The following SGCD variants were observed in gnomAD, a reference collection of about 807,000 sequenced individuals.
The protein encoded by SGCD is delta-sarcoglycan.
SGCD carries 18 observed loss-of-function variants against 36.6 expected under a neutral mutation model. The observed-to-expected ratio is 0.49, with a 90% CI of 0.34 to 0.73. SGCD has a LOEUF of 0.73. Ranked by LOEUF, SGCD falls within the 30% of genes least tolerant of loss-of-function variation. The pLI is 0.01. For missense variants in SGCD, 387 were observed against 346.7 expected (o/e 1.12, Z -0.92); for synonymous variants, 133 against 130.6 (o/e 1.02, Z -0.12).
chr5:156,020,440 T>C (rs142844803), intron 1 of SGCD, among the ~76,000 whole-genome samples: 112 of 152,330 alleles, frequency 7.4e-4, no homozygotes, highest in Middle Eastern at 3.4e-3. Flanking sequence ...AACAGCCACA[T>C]TTTATCACAT....
At chr5:156,190,565 C>A (rs1049780712) in intron 3 of SGCD, among the ~76,000 whole-genome samples, 2 of 152,048 alleles carry the variant, frequency 1.3e-5, no homozygotes, top group Non-Finnish European at 2.9e-5. Flanking sequence ...CTGCTGTGTA[C>A]CTGGCATAAT....
chr5:156,631,240 G>A (rs1762618964), intron 6 of SGCD, among the ~76,000 whole-genome samples: 1 of 152,138 alleles, frequency 6.6e-6, no homozygotes, highest in South Asian at 2.1e-4. Flanking sequence ...CTTAAAAAGA[G>A]ATGCTAATGT....
At chr5:156,509,082 T>G (rs552171114) in intron 4 of SGCD, among the ~76,000 whole-genome samples, 1 of 152,314 alleles carries the variant, frequency 6.6e-6, no homozygotes, top group South Asian at 2.1e-4. Context: ...GAACTAGAAT[T>G]TTGTTTTTCA....
the SGCD span, among the ~76,000 whole-genome samples, chr5:155,810,860 C>G: frequency 0.066 from 6,630 of 100,962 alleles, 361 homozygotes; most frequent in African/African-American, 0.18. Flanking sequence ...CTCTGTCGCC[C>G]AGGCTGGAGT....
intron 3 of SGCD, among the ~76,000 whole-genome samples, chr5:156,202,013 C>CGTT (rs1176997025): frequency 2.6e-5 from 4 of 152,078 alleles, no homozygotes; most frequent in Non-Finnish European, 2.9e-5. Context: ...AAGAGTTTCA[C>CGTT]GTTGTTGTTG....
chr5:156,306,758 A>G (rs1397457177), intron 3 of SGCD, among the ~76,000 whole-genome samples: 2 of 152,118 alleles, frequency 1.3e-5, no homozygotes. Context: ...TCTTGTGTGG[A>G]CAGTTGTTCA....
rs187314487 is a variant in SGCD, at chr5:156,046,659, G to A, written c.-281-71219G>A. 1.2e-4 allele frequency among the ~76,000 whole-genome samples: 18 copies of A among 152,192 alleles called. No individual in the cohort carries two copies. In the East Asian group the frequency reaches 2.1e-3, roughly 18 times the overall value. On this transcript the variant is annotated intron_variant, in intron 1 of 9. Coordinates refer to the SGCD transcript ENST00000517913. ...CCAATATAAGACGGTGAACTTAACC[G>A]AGAAATGTCGTGTGCATTCTGATTG...
At chr5:155,843,867 C>T in the SGCD span, among the ~76,000 whole-genome samples, 1 of 152,156 alleles carries the variant, frequency 6.6e-6, no homozygotes, top group Non-Finnish European at 1.5e-5. Flanking sequence ...CACTTCTTCC[C>T]TTGACTTGGT....
At chr5:156,025,460 C>T (rs1188843422) in intron 1 of SGCD, among the ~76,000 whole-genome samples, 1 of 152,192 alleles carries the variant, frequency 6.6e-6, no homozygotes, top group Non-Finnish European at 1.5e-5. Context: ...TTCATGTTTG[C>T]CAGACTTTGT....
intron 1 of SGCD, among the ~76,000 whole-genome samples, chr5:155,872,550 A>T (rs957159062): frequency 3.9e-5 from 6 of 152,226 alleles, no homozygotes; most frequent in African/African-American, 1.4e-4. Flanking sequence ...CCAGAATTGT[A>T]GGTGAAAGTT....
intron 3 of SGCD, among the ~76,000 whole-genome samples, chr5:156,231,692 A>G (rs995423640): frequency 1.1e-4 from 17 of 152,224 alleles, no homozygotes; most frequent in African/African-American, 3.9e-4. Context: ...GCTATAGGAC[A>G]GGGTATTCAA....
intron 1 of SGCD, among the ~76,000 whole-genome samples, chr5:156,018,825 A>C (rs1759039675): frequency 6.6e-6 from 1 of 152,194 alleles, no homozygotes; most frequent in South Asian, 2.1e-4. Flanking sequence ...TCACCAAAGC[A>C]TTGAGGGCAA....
At chr5:156,109,050 G>A (rs1473858275) in intron 1 of SGCD, among the ~76,000 whole-genome samples, 2 of 152,112 alleles carry the variant, frequency 1.3e-5, no homozygotes, top group African/African-American at 2.4e-5. Flanking sequence ...AATGTTCATG[G>A]TGTGAGTATT....
intron 1 of SGCD, among the ~76,000 whole-genome samples, chr5:155,902,842 A>G (rs1756420078): frequency 6.6e-6 from 1 of 152,200 alleles, no homozygotes; most frequent in South Asian, 2.1e-4. Context: ...AATTCTGCAG[A>G]CAGATCCCCA....
intron 1 of SGCD, among the ~76,000 whole-genome samples, chr5:155,977,619 C>A (rs543653791): frequency 1.1e-4 from 16 of 152,302 alleles, no homozygotes; most frequent in Middle Eastern, 6.8e-3. Context: ...CTTACCTATG[C>A]CATGGTACAT....
At chr5:156,446,600 G>C (rs1029491812) in intron 3 of SGCD, among the ~76,000 whole-genome samples, 2 of 152,062 alleles carry the variant, frequency 1.3e-5, no homozygotes, top group African/African-American at 4.8e-5. Context: ...ATTTATCTTA[G>C]GCAACCATTC....
chr5:156,047,229 T>C (rs1262894211), intron 1 of SGCD, among the ~76,000 whole-genome samples: 2 of 152,050 alleles, frequency 1.3e-5, no homozygotes, highest in Admixed American at 1.3e-4. Context: ...CACATAAGAG[T>C]GCAGAGTGAA....
intron 6 of SGCD, among the ~76,000 whole-genome samples, chr5:156,646,367 C>T (rs1037052651): frequency 1.3e-5 from 2 of 152,158 alleles, no homozygotes; most frequent in African/African-American, 4.8e-5. Flanking sequence ...TAATTTAATA[C>T]TCCCATAGAA....
chr5:156,741,528 G>T (rs763503653), intron 7 of SGCD, among the ~76,000 whole-genome samples: 2 of 149,624 alleles, frequency 1.3e-5, no homozygotes, highest in Non-Finnish European at 2.9e-5. Flanking sequence ...CGAAAGGAAG[G>T]TTTGATAGAG....
Sources: allele counts gnomAD v4.1 joint callset (sites outside exome capture counted in the v4.1 genomes callset), GRCh38; gene constraint gnomAD v4.1.1; transcripts MANE v1.5; gene names NCBI Gene and HGNC (gene_info 2026-07-23, HGNC 2026-07-21).